Variants in ZNF676 observed in about 807,000 individuals in gnomAD.
The protein encoded by ZNF676 is zinc finger protein 676.
Under a neutral mutation model 6.0 loss-of-function variants are expected in ZNF676, and 4 were observed. The observed-to-expected ratio is 0.67, with a 90% CI of 0.33 to 1.53. The LOEUF (loss-of-function observed/expected upper bound fraction) is 1.53, where lower values mean the gene tolerates loss of function less well. Among genes scored for constraint, ZNF676 ranks in the 40% most tolerant of loss-of-function variants. The probability of loss-of-function intolerance (pLI) is 0.06; values close to 1 mark genes in which losing one functional copy is unlikely to be tolerated. For missense variants in ZNF676, 644 were observed against 679.7 expected (o/e 0.95, Z 0.58); for synonymous variants, 198 against 223.1 (o/e 0.89, Z 1.00).
In ZNF676 at chr19:22,180,533, C is replaced by T. The variant is rs753475297; in HGVS notation, c.1184G>A (p.Cys395Tyr). 3 of 1,610,926 alleles carry T rather than the reference C, an allele frequency of 1.9e-6. No individual in the cohort carries two copies. The highest frequency in any genetic ancestry group is 1.4e-5 in the African/African-American group (1 of 74,066). ...GTTGGAAGCTTTGCCACATTCTTCA[C>T]ATTTGTAGGGCTTCTCTTCAGCATG... ...AIHAEEKPYKCEECGKASNSS... is the reference protein window; with the variant it reads ...AIHAEEKPYKYEECGKASNSS... Residue 395 changes from cysteine to tyrosine, a missense_variant, in exon 3 of 3, where the codon TGT becomes TAT. Transcript: ENST00000397121.
the ZNF676 span, among the ~76,000 whole-genome samples, chr19:22,228,953 C>A: frequency 6.6e-6 from 1 of 152,106 alleles, no homozygotes; most frequent in Non-Finnish European, 1.5e-5. Flanking sequence ...AGACCCAATG[C>A]CATCCCCATG....
At chr19:22,232,077 A>T in the ZNF676 span, among the ~76,000 whole-genome samples, 1 of 152,200 alleles carries the variant, frequency 6.6e-6, no homozygotes, top group Admixed American at 6.5e-5. Flanking sequence ...TGTGTATCTC[A>T]CATTAGGCTT....
the ZNF676 span, among the ~76,000 whole-genome samples, chr19:22,235,099 G>A: frequency 7.5e-6 from 1 of 132,748 alleles, no homozygotes; most frequent in Admixed American, 7.8e-5. Flanking sequence ...GCAGGAAGAA[G>A]GAAGTCAGGA....
the ZNF676 span, among the ~76,000 whole-genome samples, chr19:22,246,552 C>T: frequency 6.6e-6 from 1 of 152,080 alleles, no homozygotes. Flanking sequence ...GGGCTGAGCC[C>T]AGCTATATGT....
chr19:22,229,275 G>A, the ZNF676 span, among the ~76,000 whole-genome samples: 2 of 152,132 alleles, frequency 1.3e-5, no homozygotes, highest in African/African-American at 4.8e-5. Flanking sequence ...TTAATAAATG[G>A]TGTTGGGAAA....
chr19:22,222,526 G>T, the ZNF676 span, among the ~76,000 whole-genome samples: 1 of 152,078 alleles, frequency 6.6e-6, no homozygotes, highest in Admixed American at 6.6e-5. Flanking sequence ...TAGTTCTTCT[G>T]CCATGTACTT....
intron 1 of ZNF676, among the ~76,000 whole-genome samples, chr19:22,208,239 C>G (rs2024095460): frequency 7.2e-6 from 1 of 139,124 alleles, no homozygotes; most frequent in Admixed American, 7.1e-5. Context: ...AGAACTAAAA[C>G]AAGTTTACAA....
At chr19:22,244,924 T>C in the ZNF676 span, 2 of 152,214 alleles carry the variant, frequency 1.3e-5, no homozygotes, top group Non-Finnish European at 2.9e-5. Flanking sequence ...TCCAGTGATA[T>C]GTCACAATCC....
intron 1 of ZNF676, among the ~76,000 whole-genome samples, chr19:22,194,475 G>A (rs186379174): frequency 3.9e-5 from 6 of 152,268 alleles, no homozygotes; most frequent in Admixed American, 2.6e-4. Flanking sequence ...GTAGTTGACA[G>A]ATCTAAAAGG....
chr19:22,237,025 A>G, the ZNF676 span, among the ~76,000 whole-genome samples: 68 of 152,344 alleles, frequency 4.5e-4, no homozygotes, highest in African/African-American at 1.5e-3. Flanking sequence ...AAAAGTAATT[A>G]CAAGGTTCTT....
the ZNF676 span, among the ~76,000 whole-genome samples, chr19:22,239,908 G>C: frequency 0.066 from 9,977 of 152,262 alleles, 1,075 homozygotes; most frequent in African/African-American, 0.23. Context: ...AATGCCCTCT[G>C]ATGGAAGGAC....
upstream of ZNF676, among the ~76,000 whole-genome samples, chr19:22,216,587 T>A (rs281188): frequency 0.42 from 64,215 of 151,784 alleles, 14,400 homozygotes; most frequent in African/African-American, 0.58. Context: ...AATCTCATAT[T>A]TAACTTTTTC....
At chr19:22,245,503 TGC>T in the ZNF676 span, among the ~76,000 whole-genome samples, 6 of 3,438 alleles carry the variant, frequency 1.7e-3, no homozygotes, top group Non-Finnish European at 0.013. Flanking sequence ...TATGTCACAA[TGC>T]CCCCCCCCCC....
intron 1 of ZNF676, among the ~76,000 whole-genome samples, chr19:22,194,006 G>C (rs2023941545): frequency 6.6e-6 from 1 of 152,172 alleles, no homozygotes; most frequent in Non-Finnish European, 1.5e-5. Flanking sequence ...GGCAAGAAAT[G>C]TGTGCAGATC....
At chr19:22,247,348 G>A in the ZNF676 span, among the ~76,000 whole-genome samples, 9 of 152,054 alleles carry the variant, frequency 5.9e-5, no homozygotes, top group East Asian at 1.8e-3. Flanking sequence ...TGGATTACCT[G>A]ACGTCAGAAG....
the ZNF676 span, among the ~76,000 whole-genome samples, chr19:22,236,198 C>A: frequency 6.7e-6 from 1 of 150,102 alleles, no homozygotes; most frequent in Non-Finnish European, 1.5e-5. Context: ...TTTGGCTTTT[C>A]CCACCCTAAT....
chr19:22,209,813 A>T (rs552348511), intron 1 of ZNF676, among the ~76,000 whole-genome samples: 3 of 152,272 alleles, frequency 2.0e-5, no homozygotes, highest in Non-Finnish European at 4.4e-5. Context: ...AGAAAACAGG[A>T]TGCTACTGCA....
At chr19:22,236,180 G>A in the ZNF676 span, among the ~76,000 whole-genome samples, 20 of 151,956 alleles carry the variant, frequency 1.3e-4, no homozygotes, top group Admixed American at 4.6e-4. Flanking sequence ...CAGCTCTAAT[G>A]GCTTCCATTT....
At chr19:22,209,728 GC>G (rs2024111619) in intron 1 of ZNF676, among the ~76,000 whole-genome samples, 1 of 152,178 alleles carries the variant, frequency 6.6e-6, no homozygotes, top group South Asian at 2.1e-4. Context: ...ATAGATAGTG[GC>G]CCAGGTGGGG....
Sources: gnomAD v4.1 joint callset for allele counts (sites outside exome capture counted in the v4.1 genomes callset) on GRCh38, gnomAD v4.1.1 for gene constraint, MANE v1.5 for transcripts, NCBI Gene and HGNC (gene_info 2026-07-23, HGNC 2026-07-21) for gene names.